FER1L6: variants seen among roughly 807,000 people sequenced by gnomAD.
FER1L6 encodes fer-1 like family member 6.
In FER1L6, 177 loss-of-function variants were observed where a neutral mutation model predicts 219.2. The observed-to-expected ratio is 0.81, with a 90% CI of 0.71 to 0.91. FER1L6 has a LOEUF of 0.91. Ranked by LOEUF, FER1L6 falls within the 40% of genes least tolerant of loss-of-function variation. The pLI, the probability that FER1L6 is intolerant of heterozygous loss-of-function variation, is 0.00. For synonymous variants in FER1L6, 768 were observed against 824.3 expected (o/e 0.93, Z 1.17); for missense variants, 2,153 against 2,259.9 (o/e 0.95, Z 0.96).
intron 12 of FER1L6, among the ~76,000 whole-genome samples, chr8:123,989,473 A>T (rs1191493023): frequency 6.6e-6 from 1 of 152,190 alleles, no homozygotes; most frequent in Non-Finnish European, 1.5e-5. Flanking sequence ...TCCTTGGTGA[A>T]GTCCATGATG....
intron 12 of FER1L6, among the ~76,000 whole-genome samples, chr8:123,996,759 C>A (rs927411296): frequency 1.3e-5 from 2 of 151,828 alleles, no homozygotes; most frequent in African/African-American, 4.8e-5. Context: ...GTTTTAATTT[C>A]TTGCTTTTAA....
intron 33 of FER1L6, among the ~76,000 whole-genome samples, chr8:124,087,044 A>G (rs565574468): frequency 6.6e-6 from 1 of 152,202 alleles, no homozygotes; most frequent in South Asian, 2.1e-4. Context: ...GAGTTTGATT[A>G]TTAAATGTCT....
intron 13 of FER1L6, among the ~76,000 whole-genome samples, chr8:124,004,471 A>G (rs1817569983): frequency 6.6e-6 from 1 of 152,118 alleles, no homozygotes; most frequent in Non-Finnish European, 1.5e-5. Flanking sequence ...TGCTCTTTTC[A>G]ATCTAGACAC....
At chr8:123,904,233 TGTGTG>T (rs1435175355) in intron 1 of FER1L6, among the ~76,000 whole-genome samples, 126 of 138,594 alleles carry the variant, frequency 9.1e-4, no homozygotes, top group Non-Finnish European at 3.1e-4. Context: ...TTTGTGTGTG[TGTGTG>T]TGTGTGTGTG....
intron 22 of FER1L6, among the ~76,000 whole-genome samples, chr8:124,053,558 T>G (rs1418269255): frequency 6.6e-6 from 1 of 152,220 alleles, no homozygotes; most frequent in African/African-American, 2.4e-5. Context: ...AGTTTTCATT[T>G]GTGGATGTCT....
At chr8:123,854,513 G>T (rs957046387) in intron 1 of FER1L6, among the ~76,000 whole-genome samples, 1 of 152,226 alleles carries the variant, frequency 6.6e-6, no homozygotes, top group African/African-American at 2.4e-5. Flanking sequence ...ATCACACTGT[G>T]TTTCTGAGTG....
intron 5 of FER1L6, among the ~76,000 whole-genome samples, chr8:123,967,710 C>T (rs1275515940): frequency 6.6e-6 from 1 of 152,184 alleles, no homozygotes; most frequent in African/African-American, 2.4e-5. Flanking sequence ...GTAATCCCAA[C>T]ACTTTGGGAG....
intron 16 of FER1L6, among the ~76,000 whole-genome samples, chr8:124,020,021 C>T (rs577597248): frequency 9.2e-5 from 14 of 152,260 alleles, no homozygotes; most frequent in East Asian, 3.9e-4. Context: ...TGAGCTCTCA[C>T]GTGTTGTGGG....
chr8:123,852,308 G>A lies in FER1L6; in HGVS notation c.-8+123G>A. On this transcript the variant is annotated intron_variant, in intron 1 of 40. Coordinates refer to ENST00000522917, the MANE Select transcript of FER1L6 (RefSeq NM_001039112.2). The surrounding 1 kb of genome is among the most constrained non-coding windows in gnomAD (Gnocchi z 4.9). ...TCCCCTCCCTTCCACAATGGAAGCA[G>A]TCCAATGTAATCAACCTGCCTCCAG... 6.6e-6 allele frequency: 1 copy of A among 152,418 alleles called. No homozygotes were observed. The highest frequency in any genetic ancestry group is 3.4e-3 in the Middle Eastern group (1 of 296). 9.4% of individuals were successfully genotyped at this position (152,418 alleles called of 1,614,324 possible). A position where few individuals can be genotyped will look rare whatever the true frequency, so the allele number is the denominator to read the frequency against.
intron 13 of FER1L6, among the ~76,000 whole-genome samples, chr8:124,007,949 C>G (rs989288884): frequency 2.6e-5 from 4 of 152,112 alleles, no homozygotes; most frequent in African/African-American, 9.7e-5. Flanking sequence ...TTTAAAATTG[C>G]CTTTTTCCAT....
At chr8:124,014,414 C>T (rs1454226666) in intron 15 of FER1L6, 1 of 152,782 alleles carries the variant, frequency 6.5e-6, no homozygotes, top group Non-Finnish European at 1.5e-5. Flanking sequence ...CAGATGATTC[C>T]AGTCTCTTCT....
At chr8:124,075,922 T>C (rs1271884489) in intron 31 of FER1L6, among the ~76,000 whole-genome samples, 3 of 152,228 alleles carry the variant, frequency 2.0e-5, no homozygotes, top group Non-Finnish European at 4.4e-5. Flanking sequence ...TTCTTTCCAC[T>C]GAGGAGATGA....
At position 123,854,140 on chromosome 8, in the gene FER1L6, C is replaced by T. The variant is rs150137317; in HGVS notation, c.-8+1955C>T. On this transcript the variant is annotated intron_variant, in intron 1 of 40. Transcript: ENST00000522917. ...CAGTTACGGCTCCAACATGATGCCA[C>T]GGCAATTATAACATAAACAATGCCT... Among the ~76,000 whole-genome samples, 124 of 152,284 alleles carry T rather than the reference C, an allele frequency of 8.1e-4. 1 individual carries two copies. The Middle Eastern group carries it at 0.041, about 50-fold the overall frequency.
intron 28 of FER1L6, among the ~76,000 whole-genome samples, chr8:124,068,052 T>C (rs1820900121): frequency 1.3e-5 from 2 of 152,188 alleles, no homozygotes; most frequent in Non-Finnish European, 2.9e-5. Flanking sequence ...CTCAAGTTCC[T>C]ATGTTGACAG....
chr8:123,918,096 G>A (rs1322043719), intron 1 of FER1L6, among the ~76,000 whole-genome samples: 1 of 152,102 alleles, frequency 6.6e-6, no homozygotes, highest in African/African-American at 2.4e-5. Context: ...GATAGCTTGA[G>A]CCCAGGAGTT....
rs113297884 is a variant in FER1L6 at position 124,112,845 on chromosome 8, C to G, written c.5290-5999C>G. Among the ~76,000 whole-genome samples, 909 of 152,008 alleles carry G rather than the reference C, an allele frequency of 6.0e-3. 6 individuals are homozygous for G. Among genetic ancestry groups the G allele is most frequent in the African/African-American group, 0.016 (683 of 41,474 alleles). On this transcript the variant is annotated intron_variant, in intron 39 of 40. Transcript: ENST00000522917. ...TTTAGCAAGATCAGACAAGAGCAGA[C>G]AAGGGAGATATTTTTATATAAAGAT...
chr8:123,914,082 A>T (rs751733272), intron 1 of FER1L6, among the ~76,000 whole-genome samples: 13 of 152,244 alleles, frequency 8.5e-5, no homozygotes, highest in Non-Finnish European at 1.9e-4. Context: ...GTGGCTATTT[A>T]AATCTAAATT....
chr8:123,925,477 G>A (rs563634892), intron 1 of FER1L6, among the ~76,000 whole-genome samples: 15 of 152,292 alleles, frequency 9.8e-5, no homozygotes, highest in African/African-American at 3.4e-4. Flanking sequence ...TCAGCTATAA[G>A]GCACCAGGCT....
chr8:124,069,594 A>G, intron 29 of FER1L6, 119 bp downstream of exon 29: 1 of 669,136 alleles, frequency 1.5e-6, no homozygotes, highest in Admixed American at 3.5e-5. Context: ...CTTCATTGTC[A>G]CCGATGTAGA....
Sources: allele counts gnomAD v4.1 joint callset (sites outside exome capture counted in the v4.1 genomes callset), GRCh38; gene constraint gnomAD v4.1.1; non-coding constraint Gnocchi (gnomAD v3.1); transcripts MANE v1.5; gene names NCBI Gene and HGNC (gene_info 2026-07-23, HGNC 2026-07-21).